Variants in LIPA observed in about 807,000 individuals in gnomAD.
LIPA encodes the protein lipase A, lysosomal acid type.
LIPA carries 26 observed loss-of-function variants against 40.6 expected under a neutral mutation model. The observed-to-expected ratio is 0.64, with a 90% CI of 0.47 to 0.89. The LOEUF is 0.89. LIPA is among the 40% of genes least tolerant of loss of function. LIPA has a pLI of 0.00. For missense variants in LIPA, 455 were observed against 479.6 expected (o/e 0.95, Z 0.48); for synonymous variants, 188 against 168.4 (o/e 1.12, Z -0.90).
Position 89,214,499 on chromosome 10 carries a change from TG to T in LIPA, c.*328del. On this transcript the variant is annotated 3_prime_UTR_variant, in exon 10 of 10. Coordinates refer to ENST00000336233, the MANE Select transcript of LIPA (RefSeq NM_000235.4). ...CCAACACATATATTACTTTGTCCTA[TG>T]AAGGGCAAAAAGTCAATATATTTTA... 1 of 251,938 alleles carries T rather than the reference TG, an allele frequency of 4.0e-6. No individual in the cohort carries two copies. Among genetic ancestry groups the T allele is most frequent in the Non-Finnish European group, 7.8e-6 (1 of 128,378 alleles). The allele number at this position is 251,938 out of a possible 1,614,324, so 15.6% of individuals were successfully genotyped here. A position where few individuals can be genotyped will look rare whatever the true frequency, so the allele number is the denominator to read the frequency against.
intron 1 of LIPA, among the ~76,000 whole-genome samples, chr10:89,309,623 T>C (rs370916820): frequency 8.5e-5 from 13 of 152,294 alleles, no homozygotes; most frequent in Admixed American, 4.6e-4. Context: ...TGGATGTATG[T>C]AATCTTGTCC....
intron 2 of LIPA, chr10:89,383,222 T>C: frequency 1.9e-6 from 2 of 1,068,670 alleles, no homozygotes; most frequent in Non-Finnish European, 2.7e-6. Context: ...GCAGGGAAAT[T>C]AGGATAGAGC....
intron 2 of LIPA, among the ~76,000 whole-genome samples, chr10:89,349,251 T>A (rs1202449537): frequency 6.6e-6 from 1 of 152,142 alleles, no homozygotes; most frequent in Non-Finnish European, 1.5e-5. Context: ...GGCTGTCACA[T>A]ATTCTTCTGA....
At chr10:89,373,420 A>G (rs952259992) in intron 2 of LIPA, among the ~76,000 whole-genome samples, 3 of 151,722 alleles carry the variant, frequency 2.0e-5, no homozygotes, top group African/African-American at 7.3e-5. Context: ...AGCCATCAAG[A>G]CCCCTGAGGT....
chr10:89,228,772 C>T (rs543810485), intron 3 of LIPA, among the ~76,000 whole-genome samples: 10 of 151,966 alleles, frequency 6.6e-5, no homozygotes, highest in Non-Finnish European at 1.2e-4. Context: ...ACAAAATAAA[C>T]AAAAGGAAAG....
intron 1 of LIPA, among the ~76,000 whole-genome samples, chr10:89,335,804 T>G (rs1843729444): frequency 6.6e-6 from 1 of 152,252 alleles, no homozygotes; most frequent in African/African-American, 2.4e-5. Context: ...TCAGCAAAGT[T>G]AACTCATGTT....
chr10:89,346,168 T>G (rs1196487481), upstream of LIPA, among the ~76,000 whole-genome samples: 1 of 152,226 alleles, frequency 6.6e-6, no homozygotes, highest in Non-Finnish European at 1.5e-5. Flanking sequence ...TAATTTGACT[T>G]TTTAACCCTT....
chr10:89,225,343 C>A, intron 5 of LIPA, 115 bp from the exon 6 acceptor site: 1 of 1,257,406 alleles, frequency 8.0e-7, no homozygotes, highest in South Asian at 1.2e-5. Context: ...CCCACGCAAA[C>A]AATACCACCA....
In LIPA at chr10:89,406,468, A is replaced by G. The variant is rs192996308; in HGVS notation, c.61+6323T>C. 2.4e-3 allele frequency: 363 copies of G among 152,362 alleles called. 1 individual carries two copies. Among genetic ancestry groups the G allele is most frequent in the Non-Finnish European group, 3.7e-3 (253 of 68,088 alleles). The allele number at this position is 152,362 out of a possible 1,614,324, so 9.4% of individuals were successfully genotyped here. ...GAAGTTTTGTTCTTTCGCTCTTTCA[A>G]TAAATCTTGCTGCTGCTCACTCTTT... On this transcript the variant is annotated intron_variant, in intron 2 of 8. Transcript: ENST00000371837.
At chr10:89,253,892 C>T (rs1352052442), upstream of LIPA, among the ~76,000 whole-genome samples, 1 of 152,250 alleles carries the variant, frequency 6.6e-6, no homozygotes, top group African/African-American at 2.4e-5. Context: ...TTTCTTAAAG[C>T]TCCAAAATGA....
intron 3 of LIPA, among the ~76,000 whole-genome samples, chr10:89,239,989 C>T (rs1340217286): frequency 1.3e-5 from 2 of 152,146 alleles, no homozygotes; most frequent in African/African-American, 2.4e-5. Flanking sequence ...ACTTGAGTTC[C>T]AGAGCTTCAC....
intron 3 of LIPA, among the ~76,000 whole-genome samples, chr10:89,233,188 T>C (rs1020749281): frequency 6.6e-6 from 1 of 152,172 alleles, no homozygotes; most frequent in African/African-American, 2.4e-5. Context: ...AAAAGCTCAA[T>C]GAACAACAGG....
At chr10:89,294,856 C>T (rs1843400637) in intron 1 of LIPA, among the ~76,000 whole-genome samples, 1 of 151,886 alleles carries the variant, frequency 6.6e-6, no homozygotes, top group African/African-American at 2.4e-5. Flanking sequence ...CATCTGTGAT[C>T]CCAGCTACTC....
chr10:89,357,165 G>C (rs1843993180), intron 2 of LIPA, among the ~76,000 whole-genome samples: 2 of 152,192 alleles, frequency 1.3e-5, no homozygotes, highest in African/African-American at 4.8e-5. Flanking sequence ...GAATTTAGAA[G>C]CTCTGTGACA....
chr10:89,360,674 G>A (rs1221938874), intron 2 of LIPA, among the ~76,000 whole-genome samples: 3 of 152,208 alleles, frequency 2.0e-5, no homozygotes, highest in Non-Finnish European at 4.4e-5. Flanking sequence ...CCAGGCATGA[G>A]CCACTGCACC....
chr10:89,248,651 A>ATT (rs373931086), intron 1 of LIPA, among the ~76,000 whole-genome samples: 348 of 137,830 alleles, frequency 2.5e-3, no homozygotes, highest in Admixed American at 4.3e-3. Context: ...ATTTTTTTGT[A>ATT]TTTTTTTTTT....
intron 2 of LIPA, chr10:89,383,934 A>G (rs1467387948): frequency 6.2e-7 from 1 of 1,614,178 alleles, no homozygotes. Flanking sequence ...ACGTCCTAAA[A>G]CGAGCTGTCA....
Position 89,360,919 on chromosome 10 carries a change from T to C in LIPA, c.61+51872A>G, listed in dbSNP as rs144385634. Among the ~76,000 whole-genome samples the C allele has an allele frequency of 9.1e-3, 1,388 of 152,270 alleles. 11 individuals are homozygous for C. The highest frequency in any genetic ancestry group is 0.024 in the Middle Eastern group (7 of 294). ...GCGCCCTTTGAAACTCCCCGCAGCA[T>C]CCTTCCTTGCCTCCTCTTAGGTGCC... On this transcript the variant is annotated intron_variant, in intron 2 of 8. Coordinates refer to the LIPA transcript ENST00000371837.
intron 1 of LIPA, among the ~76,000 whole-genome samples, chr10:89,282,111 G>A (rs1266147412): frequency 1.3e-5 from 2 of 152,172 alleles, no homozygotes; most frequent in Non-Finnish European, 2.9e-5. Context: ...CAGAACCTCA[G>A]ACCTAGACTG....
Sources: gnomAD v4.1 joint callset for allele counts (sites outside exome capture counted in the v4.1 genomes callset) on GRCh38, gnomAD v4.1.1 for gene constraint, MANE v1.5 for transcripts, NCBI Gene and HGNC (gene_info 2026-07-23, HGNC 2026-07-21) for gene names.